FAM53B: variants seen among roughly 807,000 people sequenced by gnomAD.
FAM53B encodes family with sequence similarity 53 member B, also known as protein FAM53B.
In FAM53B, 12 loss-of-function variants were observed where a neutral mutation model predicts 32.7. That is an observed-to-expected ratio of 0.37 (90% CI 0.24 to 0.59). The LOEUF (loss-of-function observed/expected upper bound fraction) is 0.59, where lower values mean the gene tolerates loss of function less well. Ranked by LOEUF, FAM53B falls within the 20% of genes least tolerant of loss-of-function variation. The pLI, the probability that FAM53B is intolerant of heterozygous loss-of-function variation, is 0.72. For synonymous variants in FAM53B, 234 were observed against 228.7 expected (o/e 1.02, Z -0.21); for missense variants, 477 against 577.7 (o/e 0.83, Z 1.79).
At chr10:124,643,532 G>GC (rs1294785291) in intron 4 of FAM53B, among the ~76,000 whole-genome samples, 2 of 152,380 alleles carry the variant, frequency 1.3e-5, no homozygotes, top group African/African-American at 4.8e-5. Context: ...CCCAAACAGA[G>GC]CCCCGGGAGG....
At chr10:124,736,853 G>T (rs1950176471) in intron 1 of FAM53B, among the ~76,000 whole-genome samples, 1 of 152,266 alleles carries the variant, frequency 6.6e-6, no homozygotes, top group South Asian at 2.1e-4. Context: ...AGAAGCTGCA[G>T]CATGGCACCC....
At chr10:124,633,166 T>C (rs926720814) in intron 4 of FAM53B, among the ~76,000 whole-genome samples, 2 of 151,526 alleles carry the variant, frequency 1.3e-5, no homozygotes, top group Non-Finnish European at 2.9e-5. Context: ...ACAATCTGCT[T>C]TCAAGAGCAA....
chr10:124,677,948 C>G (rs1394720382), intron 4 of FAM53B, among the ~76,000 whole-genome samples: 1 of 152,204 alleles, frequency 6.6e-6, no homozygotes, highest in African/African-American at 2.4e-5. Context: ...TAACCCTGGG[C>G]TCTGAACACC....
intron 4 of FAM53B, among the ~76,000 whole-genome samples, chr10:124,677,419 G>A (rs1288185529): frequency 1.3e-5 from 2 of 152,380 alleles, no homozygotes; most frequent in African/African-American, 4.8e-5. Context: ...GGAAAGCTGT[G>A]CAGGAGGCCC....
intron 3 of FAM53B, 32 bp downstream of exon 3, chr10:124,696,126 G>C (rs534288128): frequency 6.3e-7 from 1 of 1,589,822 alleles, no homozygotes; most frequent in African/African-American, 1.3e-5. Flanking sequence ...AGGACTAGGA[G>C]GACAGCTTCC....
chr10:124,730,068 TG>T (rs1950131047), intron 1 of FAM53B, among the ~76,000 whole-genome samples: 1 of 152,234 alleles, frequency 6.6e-6, no homozygotes, highest in South Asian at 2.1e-4. Context: ...CTGAGGTACC[TG>T]GAACTCACCT....
rs1949686628 is a variant in FAM53B at position 124,668,316 on chromosome 10, C to T, written c.906+13291G>A. Among the ~76,000 whole-genome samples the T allele has an allele frequency of 2.0e-5, 3 of 152,392 alleles. No individual in the cohort carries two copies. The South Asian group carries it at 6.2e-4, about 32-fold the overall frequency. On this transcript the variant is annotated intron_variant, in intron 4 of 4. Coordinates refer to ENST00000337318, the MANE Select transcript of FAM53B (RefSeq NM_014661.4). ...TGTTTCTGAGCAGGACCACAGCCCC[C>T]ACAGCAGGGTGTTTCTAGCCACCGG...
intron 4 of FAM53B, among the ~76,000 whole-genome samples, chr10:124,667,775 G>A (rs1363951174): frequency 6.6e-6 from 1 of 152,328 alleles, no homozygotes; most frequent in African/African-American, 2.4e-5. Flanking sequence ...AAGAAGCAGA[G>A]ACCCTTCTGG....
At chr10:124,674,708 CT>C (rs1352457970) in intron 4 of FAM53B, among the ~76,000 whole-genome samples, 1 of 152,278 alleles carries the variant, frequency 6.6e-6, no homozygotes, top group Non-Finnish European at 1.5e-5. Flanking sequence ...GCCTTTCTTA[CT>C]CTGGCTTCCA....
chr10:124,697,161 T>TCACTCGCC (rs1384758005), intron 2 of FAM53B, among the ~76,000 whole-genome samples: 1 of 152,088 alleles, frequency 6.6e-6, no homozygotes, highest in African/African-American at 2.4e-5. Flanking sequence ...GCTTCCTCAC[T>TCACTCGCC]CACTCGCCCA....
At chr10:124,643,605 TTC>T (rs1332171887) in intron 4 of FAM53B, among the ~76,000 whole-genome samples, 1 of 152,240 alleles carries the variant, frequency 6.6e-6, no homozygotes, top group Non-Finnish European at 1.5e-5. Flanking sequence ...CTGTGGGCCT[TTC>T]TCTCTCTTGT....
Position 124,651,929 on chromosome 10 carries a change from A to G in FAM53B, c.907-28325T>C, listed in dbSNP as rs1949558959. Reference sequence around the variant, plus strand: ...TCCTTTATTTGTCCCCCATCTGTGAAGCATCTGTGGTCCACCAGGTGCTCT... The same window carrying G: ...TCCTTTATTTGTCCCCCATCTGTGAGGCATCTGTGGTCCACCAGGTGCTCT... On this transcript the variant is annotated intron_variant, in intron 4 of 4. Transcript: ENST00000337318. This position sits in a 1 kb window ranked among gnomAD's most constrained non-coding sequence, Gnocchi z 5.2. Among the ~76,000 whole-genome samples, 1 of 152,148 alleles carries G rather than the reference A, an allele frequency of 6.6e-6. No homozygotes were observed.
At chr10:124,639,448 G>A (rs1336222055) in intron 4 of FAM53B, among the ~76,000 whole-genome samples, 1 of 152,196 alleles carries the variant, frequency 6.6e-6, no homozygotes, top group Non-Finnish European at 1.5e-5. Context: ...GTGGCCTTGG[G>A]CGGGTCATGG....
At chr10:124,645,625 C>T (rs909862279) in intron 4 of FAM53B, among the ~76,000 whole-genome samples, 2 of 152,212 alleles carry the variant, frequency 1.3e-5, no homozygotes, top group African/African-American at 2.4e-5. Context: ...GGGTCTCAGG[C>T]GCCTTTTCTT....
chr10:124,663,895 A>C (rs955247666), intron 4 of FAM53B, among the ~76,000 whole-genome samples: 1 of 152,000 alleles, frequency 6.6e-6, no homozygotes, highest in African/African-American at 2.4e-5. Flanking sequence ...GCTCTGGGCC[A>C]AATCTCCCAG....
intron 4 of FAM53B, among the ~76,000 whole-genome samples, chr10:124,652,067 C>T (rs558100707): frequency 1.6e-4 from 24 of 152,262 alleles, no homozygotes; most frequent in South Asian, 4.1e-4. Context: ...GTGATAAGCA[C>T]GAGCATGCTT....
At position 124,622,163 on chromosome 10, in the gene FAM53B, T is replaced by C. The variant is rs79299099; in HGVS notation, c.*1079A>G. On this transcript the variant is annotated 3_prime_UTR_variant, in exon 5 of 5. Coordinates refer to ENST00000337318, the MANE Select transcript of FAM53B (RefSeq NM_014661.4). ...AGCTGACAAGGGCGTGGGCTTGTCT[T>C]GAGGTGGGTGATGTGCCCTGGTTAC... The C allele has an allele frequency of 6.6e-6, 1 of 152,098 alleles. No individual in the cohort carries two copies. The highest frequency in any genetic ancestry group is 1.5e-5 in the Non-Finnish European group (1 of 68,026). The allele number at this position is 152,098 out of a possible 1,614,324, so 9.4% of individuals were successfully genotyped here.
chr10:124,692,618 G>A (rs1949840854), intron 3 of FAM53B, among the ~76,000 whole-genome samples: 1 of 147,734 alleles, frequency 6.8e-6, no homozygotes, highest in Admixed American at 7.0e-5. Context: ...GGGAGGCTGA[G>A]GCAGAAGAAT....
intron 4 of FAM53B, among the ~76,000 whole-genome samples, chr10:124,642,413 G>A (rs1949482615): frequency 6.6e-6 from 1 of 152,250 alleles, no homozygotes; most frequent in South Asian, 2.1e-4. Context: ...GGCAGTGAAG[G>A]CAGTGACTCT....
Sources: gnomAD v4.1 joint callset for allele counts (sites outside exome capture counted in the v4.1 genomes callset) on GRCh38, gnomAD v4.1.1 for gene constraint, Gnocchi (gnomAD v3.1) non-coding constraint, MANE v1.5 for transcripts, NCBI Gene and HGNC (gene_info 2026-07-23, HGNC 2026-07-21) for gene names.